The following TRAK2 variants were observed in gnomAD, a reference collection of about 807,000 sequenced individuals.
The protein encoded by TRAK2 is trafficking kinesin protein 2.
In TRAK2, 81 loss-of-function variants were observed where a neutral mutation model predicts 104.6. The ratio of observed to expected loss-of-function variants is 0.77; its 90% confidence interval spans 0.65 to 0.93. TRAK2 has a LOEUF of 0.93. Ranked by LOEUF, TRAK2 falls within the 40% of genes least tolerant of loss-of-function variation. The pLI, the probability that TRAK2 is intolerant of heterozygous loss-of-function variation, is 0.00. For missense variants in TRAK2, 1,002 were observed against 1,089.0 expected (o/e 0.92, Z 1.12); for synonymous variants, 406 against 394.4 (o/e 1.03, Z -0.35).
intron 10 of TRAK2, among the ~76,000 whole-genome samples, chr2:201,392,441 A>G (rs189094745): frequency 2.4e-3 from 361 of 152,276 alleles, no homozygotes; most frequent in Non-Finnish European, 4.4e-3. Flanking sequence ...GTTTTTATTA[A>G]TTTTTTAATA....
intron 1 of TRAK2, among the ~76,000 whole-genome samples, chr2:201,439,784 G>A (rs1004095015): frequency 2.0e-5 from 3 of 150,758 alleles, no homozygotes; most frequent in African/African-American, 7.3e-5. Flanking sequence ...GTCCTTTGTA[G>A]GGACATGGAT....
At position 201,401,105 on chromosome 2, in the gene TRAK2, TA is replaced by T; in HGVS notation, c.287-12del. On this transcript the variant is annotated splice_polypyrimidine_tract_variant and intron_variant, in intron 3 of 15. Coordinates refer to ENST00000332624, the MANE Select transcript of TRAK2 (RefSeq NM_015049.3). The stretch of plus-strand genomic sequence containing the variant: ...TGTCTGTGCCTAGAACTAATATAGT[TA>T]AAAACAACTATTTATAGGCTTTAGC... 1 of 1,573,360 alleles carries T rather than the reference TA, an allele frequency of 6.4e-7. No homozygotes were observed. The highest frequency in any genetic ancestry group is 8.7e-7 in the Non-Finnish European group (1 of 1,152,100).
intron 1 of TRAK2, among the ~76,000 whole-genome samples, chr2:201,429,081 G>A (rs188733383): frequency 2.0e-5 from 3 of 152,188 alleles, no homozygotes; most frequent in African/African-American, 7.2e-5. Flanking sequence ...AGACAATGGG[G>A]TCTTCTAAAT....
intron 9 of TRAK2, among the ~76,000 whole-genome samples, chr2:201,394,430 C>T (rs1951479561): frequency 6.6e-6 from 1 of 151,536 alleles, no homozygotes; most frequent in South Asian, 2.1e-4. Flanking sequence ...CAATCTCTAC[C>T]TCCTGGGTTC....
chr2:201,387,573 C>T (rs1951403012), intron 13 of TRAK2, 130 bp downstream of exon 13: 4 of 942,728 alleles, frequency 4.2e-6, no homozygotes, highest in Non-Finnish European at 6.3e-6. Flanking sequence ...GCCACCCAAA[C>T]AGCAAGATTA....
intron 1 of TRAK2, among the ~76,000 whole-genome samples, chr2:201,444,642 A>C (rs1399909756): frequency 1.3e-5 from 2 of 151,570 alleles, no homozygotes; most frequent in Non-Finnish European, 2.9e-5. Context: ...AAATTGTAAT[A>C]ATATATTTGT....
In TRAK2 at chr2:201,387,757, T is replaced by C. The variant is rs142947774; in HGVS notation, c.1642A>G (p.Ser548Gly). ...TCTGGCATAAAACCTCGAAGGCAAC[T>C]GGCACTGCTGAGGTCTGTGATCTCT... ...QSEITDLSSA[S>G]CLRGFMPEKL... Residue 548 changes from serine to glycine, a missense_variant, in exon 13 of 16, where the codon AGT becomes GGT. Physicochemically the swap from Ser to Gly is moderately conservative, Grantham distance 56. Transcript: ENST00000332624. 1 of 1,612,892 alleles carries C rather than the reference T, an allele frequency of 6.2e-7. No homozygotes were observed. The highest frequency in any genetic ancestry group is 1.3e-5 in the African/African-American group (1 of 74,884).
At chr2:201,389,982 T>C in intron 10 of TRAK2, 102 bp from the exon 11 acceptor site, 1 of 813,106 alleles carries the variant, frequency 1.2e-6, no homozygotes, top group South Asian at 1.9e-5. Context: ...TACAAGGAAA[T>C]AGTCAAGGCT....
chr2:201,388,098 T>C (rs776365995), intron 12 of TRAK2, 97 bp from the exon 13 acceptor site: 9 of 1,293,496 alleles, frequency 7.0e-6, no homozygotes, highest in Non-Finnish European at 1.0e-5. Flanking sequence ...GAGACTGATA[T>C]TAAAAACATG....
At chr2:201,386,785 C>T (rs972592910) in intron 13 of TRAK2, among the ~76,000 whole-genome samples, 1 of 152,082 alleles carries the variant, frequency 6.6e-6, no homozygotes, top group Non-Finnish European at 1.5e-5. Flanking sequence ...ATGGAAGATA[C>T]GTGCCTAAGA....
intron 1 of TRAK2, among the ~76,000 whole-genome samples, chr2:201,450,406 T>A (rs1454500277): frequency 6.6e-6 from 1 of 151,658 alleles, no homozygotes; most frequent in Non-Finnish European, 1.5e-5. Flanking sequence ...AGAGCGAGAC[T>A]CTGTCTTAAA....
chr2:201,430,406 A>G (rs1182417769), intron 1 of TRAK2, among the ~76,000 whole-genome samples: 1 of 152,228 alleles, frequency 6.6e-6, no homozygotes, highest in Non-Finnish European at 1.5e-5. Context: ...CCTTTTGTTC[A>G]GCTATGCCCT....
chr2:201,440,251 T>A (rs1305648782), intron 1 of TRAK2, among the ~76,000 whole-genome samples: 3 of 152,170 alleles, frequency 2.0e-5, no homozygotes, highest in Non-Finnish European at 4.4e-5. Context: ...TTTCTAATTT[T>A]GTTTCCTCCC....
chr2:201,411,984 T>G, intron 2 of TRAK2: 1 of 961,418 alleles, frequency 1.0e-6, no homozygotes, highest in Non-Finnish European at 1.7e-6. Flanking sequence ...AGAACACTGT[T>G]CTTTATCTCA....
chr2:201,422,777 G>A (rs1464395063), intron 1 of TRAK2, among the ~76,000 whole-genome samples: 8 of 152,064 alleles, frequency 5.3e-5, no homozygotes, highest in Admixed American at 4.6e-4. Flanking sequence ...GCAAGGTGTC[G>A]GTAAGTGAGA....
chr2:201,404,796 A>G (rs1951579296), intron 3 of TRAK2, among the ~76,000 whole-genome samples: 1 of 152,208 alleles, frequency 6.6e-6, no homozygotes, highest in South Asian at 2.1e-4. Flanking sequence ...TAGAAATGAA[A>G]CACAAACAGT....
At chr2:201,396,392 T>A (rs1369384887) in intron 7 of TRAK2, among the ~76,000 whole-genome samples, 2 of 152,190 alleles carry the variant, frequency 1.3e-5, no homozygotes, top group Non-Finnish European at 2.9e-5. Flanking sequence ...ATTGATGTGA[T>A]ATTTTCATAT....
At chr2:201,449,507 T>C (rs979437605) in intron 1 of TRAK2, among the ~76,000 whole-genome samples, 3 of 136,808 alleles carry the variant, frequency 2.2e-5, no homozygotes, top group African/African-American at 8.2e-5. Flanking sequence ...TTTTTGAGAC[T>C]GAGTTTCACT....
chr2:201,389,192 T>C, intron 12 of TRAK2, 108 bp downstream of exon 12: 1 of 1,112,218 alleles, frequency 9.0e-7, no homozygotes, highest in Non-Finnish European at 1.3e-6. Flanking sequence ...AAACTGACAG[T>C]TCCAGAACCT....
Sources: allele counts gnomAD v4.1 joint callset (sites outside exome capture counted in the v4.1 genomes callset), GRCh38; gene constraint gnomAD v4.1.1; transcripts MANE v1.5; gene names NCBI Gene and HGNC (gene_info 2026-07-23, HGNC 2026-07-21).